Variants in EYS observed in about 807,000 individuals in gnomAD.
EYS encodes the protein protein eyes shut homolog.
A neutral mutation model predicts 282.1 loss-of-function variants in EYS; 250 were observed. The ratio of observed to expected loss-of-function variants is 0.89; its 90% CI spans 0.80 to 0.98. EYS has a LOEUF of 0.98. Among genes scored for constraint, EYS ranks in the 50% least tolerant of loss-of-function variants. The probability of loss-of-function intolerance (pLI) is 0.00; values close to 1 mark genes in which losing one functional copy is unlikely to be tolerated. For synonymous variants in EYS, 1,355 were observed against 1,282.9 expected (o/e 1.06, Z -1.20); for missense variants, 4,016 against 3,709.0 (o/e 1.08, Z -2.15).
intron 24 of EYS, among the ~76,000 whole-genome samples, chr6:64,617,036 C>T (rs1271033167): frequency 6.6e-6 from 1 of 152,008 alleles, no homozygotes; most frequent in Non-Finnish European, 1.5e-5. Context: ...TATGCTGAGC[C>T]CAACCCTGGA....
At chr6:64,055,282 AG>A (rs1283733950) in intron 33 of EYS, among the ~76,000 whole-genome samples, 1 of 152,170 alleles carries the variant, frequency 6.6e-6, no homozygotes, top group East Asian at 1.9e-4. Context: ...GTCCTACAGC[AG>A]CAATAGAAGA....
chr6:64,783,319 T>C (rs2149995190), intron 22 of EYS, among the ~76,000 whole-genome samples: 1 of 151,502 alleles, frequency 6.6e-6, no homozygotes, highest in East Asian at 1.9e-4. Flanking sequence ...ACATATCCTA[T>C]ATACATATCC....
In EYS at chr6:63,984,404, C is replaced by G. The variant is rs201304559; in HGVS notation, c.7034G>C (p.Arg2345Pro). The G allele has an allele frequency of 1.3e-6, 2 of 1,548,262 alleles. No individual in the cohort carries two copies. The highest frequency in any genetic ancestry group is 4.9e-5 in the East Asian group (2 of 40,834). Residue 2345 changes from arginine to proline, a missense_variant, in exon 35 of 43, where the codon CGC becomes CCC. Transcript: ENST00000503581. ...TGACCTGATGCAGGTGCCATTGTTG[C>G]GGCACAGATGATGAGCACACCAAGG... is the stretch of plus-strand genomic sequence containing the variant. The part of the protein sequence containing the change: ...HVPWCAHHLC[R>P]NNGTCISDNE...
rs200730166 is a variant in EYS at position 64,870,427 on chromosome 6, C to CAAA, written c.2992+16267_2992+16269dup. Among the ~76,000 whole-genome samples, 370 of 111,890 alleles carry CAAA rather than the reference C, an allele frequency of 3.3e-3. 1 individual carries two copies. Among genetic ancestry groups the CAAA allele is most frequent in the African/African-American group, 0.01 (305 of 30,344 alleles). 73.4% of individuals were successfully genotyped at this position (111,890 alleles called of 152,430 possible). On this transcript the variant is annotated intron_variant, in intron 19 of 42. Transcript: ENST00000503581. ...ACAATTACCCCCCTCCTCCCCCCTC[C>CAAA]AAAAAAAAAAAAACAAAAAGCTGGG...
chr6:63,789,361 T>G, intron 37 of EYS, 137 bp from the exon 38 acceptor site: 1 of 806,592 alleles, frequency 1.2e-6, no homozygotes, highest in Non-Finnish European at 1.9e-6. Flanking sequence ...AGTCAGCATT[T>G]AGGTATATGT....
At chr6:63,954,476 G>T (rs1039019712) in intron 35 of EYS, among the ~76,000 whole-genome samples, 2 of 152,148 alleles carry the variant, frequency 1.3e-5, no homozygotes, top group Non-Finnish European at 2.9e-5. Context: ...TGGGCAGAAA[G>T]AAATTTCCTC....
At chr6:64,462,690 T>A (rs890283897) in intron 26 of EYS, among the ~76,000 whole-genome samples, 4 of 151,936 alleles carry the variant, frequency 2.6e-5, no homozygotes, top group African/African-American at 9.7e-5. Flanking sequence ...GTTTAATTGT[T>A]TTTTAGCTTC....
intron 33 of EYS, among the ~76,000 whole-genome samples, chr6:64,050,391 A>G (rs1355684810): frequency 1.3e-5 from 2 of 152,176 alleles, no homozygotes; most frequent in Non-Finnish European, 2.9e-5. Context: ...AAAATTTCAT[A>G]ATGTCAGAAA....
At chr6:65,095,195 A>G (rs981033893) in intron 12 of EYS, among the ~76,000 whole-genome samples, 4 of 151,286 alleles carry the variant, frequency 2.6e-5, no homozygotes, top group African/African-American at 9.7e-5. Flanking sequence ...CAGTAATCAA[A>G]AATTTCTTAA....
chr6:64,552,073 A>G lies in EYS; in HGVS notation c.5644+38150T>C, dbSNP rs113599920. Among the ~76,000 whole-genome samples, 1,465 of 152,292 alleles carry G rather than the reference A, an allele frequency of 9.6e-3. 26 individuals carry two copies. The highest frequency in any genetic ancestry group is 0.033 in the African/African-American group (1,353 of 41,558). On this transcript the variant is annotated intron_variant, in intron 26 of 42. Transcript: ENST00000503581. ...GCATGAGCCACTGCACATGGCCATC[A>G]GCCAAGTGCATTCTAAAGTAAACCA...
chr6:64,712,133 C>A (rs1425647588), intron 22 of EYS, among the ~76,000 whole-genome samples: 1 of 152,288 alleles, frequency 6.6e-6, no homozygotes, highest in African/African-American at 2.4e-5. Context: ...TCCCTATCTG[C>A]CTAGGCATTT....
At chr6:65,119,056 T>A (rs2150194294) in intron 12 of EYS, among the ~76,000 whole-genome samples, 1 of 152,204 alleles carries the variant, frequency 6.6e-6, no homozygotes, top group Non-Finnish European at 1.5e-5. Flanking sequence ...GGAAATGGAA[T>A]GAGGGGAGAA....
chr6:65,265,314 C>CTGTA (rs1767724947), intron 12 of EYS, among the ~76,000 whole-genome samples: 1 of 151,982 alleles, frequency 6.6e-6, no homozygotes, highest in African/African-American at 2.4e-5. Flanking sequence ...AGAACCTTAT[C>CTGTA]TGTAGTTCTT....
intron 22 of EYS, among the ~76,000 whole-genome samples, chr6:64,695,545 A>C (rs1291800106): frequency 1.3e-5 from 2 of 151,780 alleles, no homozygotes; most frequent in Admixed American, 6.6e-5. Context: ...CACTGAATGC[A>C]TCCAGAAGAA....
intron 30 of EYS, among the ~76,000 whole-genome samples, chr6:64,302,538 T>C (rs1769272642): frequency 1.3e-5 from 2 of 152,140 alleles, no homozygotes; most frequent in African/African-American, 2.4e-5. Context: ...CCCACAAAAA[T>C]TGAAACTGAT....
chr6:65,450,007 G>C (rs1442377986), intron 5 of EYS, among the ~76,000 whole-genome samples: 1 of 152,108 alleles, frequency 6.6e-6, no homozygotes, highest in Non-Finnish European at 1.5e-5. Context: ...AAATAGTTTA[G>C]TGTGTAAAAC....
At chr6:65,356,969 T>C (rs760576027) in intron 8 of EYS, among the ~76,000 whole-genome samples, 2 of 152,010 alleles carry the variant, frequency 1.3e-5, no homozygotes, top group Non-Finnish European at 2.9e-5. Context: ...AGCAAGTTAA[T>C]ATAAGTAAAG....
chr6:65,120,446 T>C (rs1464039966), intron 12 of EYS, among the ~76,000 whole-genome samples: 1 of 108,536 alleles, frequency 9.2e-6, no homozygotes, highest in Non-Finnish European at 2.0e-5. Context: ...CATTACTCTT[T>C]TTCTTTAAAT....
chr6:64,417,004 G>A (rs1045035521), intron 28 of EYS, among the ~76,000 whole-genome samples: 2 of 152,082 alleles, frequency 1.3e-5, no homozygotes, highest in Non-Finnish European at 1.5e-5. Flanking sequence ...GTAGAACTCT[G>A]GTTGTCCAAC....
Sources: allele counts gnomAD v4.1 joint callset (sites outside exome capture counted in the v4.1 genomes callset), GRCh38; gene constraint gnomAD v4.1.1; transcripts MANE v1.5; gene names NCBI Gene and HGNC (gene_info 2026-07-23, HGNC 2026-07-21).